AHCYL1: variants seen among roughly 807,000 people sequenced by gnomAD.
AHCYL1 encodes the protein adenosylhomocysteinase like 1, also known as S-adenosylhomocysteine hydrolase-like protein 1.
A neutral mutation model predicts 79.3 loss-of-function variants in AHCYL1; 20 were observed. The observed-to-expected ratio is 0.25, with a 90% CI of 0.18 to 0.37. The LOEUF is 0.37. Among genes scored for constraint, AHCYL1 ranks in the 10% least tolerant of loss-of-function variants. AHCYL1 has a pLI of 1.00. For missense variants in AHCYL1, 330 were observed against 673.6 expected (o/e 0.49, Z 5.65); for synonymous variants, 223 against 242.2 (o/e 0.92, Z 0.74).
intron 1 of AHCYL1, among the ~76,000 whole-genome samples, chr1:109,993,528 C>G (rs1349954906): frequency 6.6e-6 from 1 of 152,220 alleles, no homozygotes; most frequent in East Asian, 1.9e-4. Context: ...GGCTTTGACT[C>G]ACTTTCCCTT....
chr1:109,999,841 C>A (rs886512565), intron 1 of AHCYL1, among the ~76,000 whole-genome samples: 2 of 151,978 alleles, frequency 1.3e-5, no homozygotes, highest in African/African-American at 4.8e-5. Context: ...GCAGCCTCGA[C>A]CTCCCAGGCT....
At chr1:110,011,433 C>G in intron 3 of AHCYL1, 76 bp downstream of exon 3, 1 of 1,572,094 alleles carries the variant, frequency 6.4e-7, no homozygotes, top group Non-Finnish European at 8.6e-7. Flanking sequence ...CAACTTAAGA[C>G]TTGAAAGCTG....
intron 1 of AHCYL1, 52 bp downstream of exon 1, chr1:109,985,224 G>A: frequency 6.4e-7 from 1 of 1,574,396 alleles, no homozygotes; most frequent in Non-Finnish European, 8.6e-7. Context: ...CTCGCGGAAG[G>A]GACGCGAGCA....
chr1:110,020,876 A>C, intron 16 of AHCYL1, 25 bp downstream of exon 16: 1 of 1,605,034 alleles, frequency 6.2e-7, no homozygotes, highest in Non-Finnish European at 8.5e-7. Flanking sequence ...AGCAAGTGAA[A>C]AGCTCTTTTT....
At chr1:110,010,032 T>C (rs2101725576) in intron 2 of AHCYL1, among the ~76,000 whole-genome samples, 1 of 152,288 alleles carries the variant, frequency 6.6e-6, no homozygotes, top group East Asian at 1.9e-4. Context: ...TTAACATAAA[T>C]GAAAAGCTGT....
intron 2 of AHCYL1, among the ~76,000 whole-genome samples, chr1:110,010,078 G>A (rs1050621965): frequency 6.6e-6 from 1 of 152,210 alleles, no homozygotes; most frequent in South Asian, 2.1e-4. Context: ...AAAAAGTGGT[G>A]TGTGACAAGC....
At chr1:110,007,922 A>G (rs1650763509) in intron 1 of AHCYL1, among the ~76,000 whole-genome samples, 1 of 152,202 alleles carries the variant, frequency 6.6e-6, no homozygotes, top group Admixed American at 6.5e-5. Context: ...TCTATAAATA[A>G]TATCAATTGC....
chr1:110,012,553 A>G lies in AHCYL1; in HGVS notation c.477+91A>G, dbSNP rs3737210. ...TCACTTTTCCTTTCCTAACTCGCCAACCTCCAAATGCTAACTATTAATAGG... is the reference window on the plus strand; with the variant it reads ...TCACTTTTCCTTTCCTAACTCGCCAGCCTCCAAATGCTAACTATTAATAGG... On this transcript the variant is annotated intron_variant, in intron 4 of 16. Transcript: ENST00000369799. 1.6e-5 allele frequency: 17 copies of G among 1,051,924 alleles called. No individual in the cohort carries two copies. In the East Asian group the frequency reaches 4.1e-4, roughly 26 times the overall value. The allele number at this position is 1,051,924 out of a possible 1,614,324, so 65.2% of individuals were successfully genotyped here.
At chr1:109,985,359 T>C (rs1479134680) in intron 1 of AHCYL1, 187 bp downstream of exon 1, 2 of 1,322,076 alleles carry the variant, frequency 1.5e-6, no homozygotes, top group East Asian at 3.2e-5. Context: ...GACCTCGCTT[T>C]CCTTTGTCCC....
intron 14 of AHCYL1, 79 bp downstream of exon 14, chr1:110,019,198 G>A: frequency 1.5e-6 from 2 of 1,349,546 alleles, no homozygotes; most frequent in Non-Finnish European, 2.1e-6. Flanking sequence ...AGGGTGTACT[G>A]TACTATGTTC....
chr1:110,018,991 C>T lies in AHCYL1; in HGVS notation c.1318-60C>T, dbSNP rs1651615063. 3.9e-6 allele frequency: 6 copies of T among 1,538,742 alleles called. 1 individual carries two copies. The South Asian group carries it at 6.7e-5, about 17-fold the overall frequency. ...AAAGTCCTCTCCCGCTTTGGCTTGA[C>T]TTGTATGCCATTGGAATCTGAGACA... On this transcript the variant is annotated intron_variant, in intron 13 of 16. Coordinates refer to ENST00000369799, the MANE Select transcript of AHCYL1 (RefSeq NM_006621.7).
intron 1 of AHCYL1, among the ~76,000 whole-genome samples, chr1:110,008,508 G>T (rs559375495): frequency 9.2e-5 from 14 of 152,214 alleles, no homozygotes; most frequent in African/African-American, 3.4e-4. Context: ...TAGACATATG[G>T]TTGGGCTCTG....
intron 6 of AHCYL1, 51 bp from the exon 7 acceptor site, chr1:110,015,374 C>T: frequency 2.0e-6 from 3 of 1,487,846 alleles, no homozygotes; most frequent in South Asian, 2.3e-5. Context: ...CAAAGTTCCC[C>T]CCAGCCCTAG....
At position 110,022,532 on chromosome 1, in the gene AHCYL1, C is replaced by T. The variant is rs1436969228; in HGVS notation, c.*852C>T. The T allele has an allele frequency of 6.6e-6, 1 of 152,616 alleles. No homozygotes were observed. Among genetic ancestry groups the T allele is most frequent in the African/African-American group, 2.4e-5 (1 of 41,438 alleles). 9.5% of individuals were successfully genotyped at this position (152,616 alleles called of 1,614,324 possible). On this transcript the variant is annotated 3_prime_UTR_variant, in exon 17 of 17. Transcript: ENST00000369799. ...GCTAGTCTCAAGCCCTGTTAAGTCC[C>T]TCTGTTTCTAGCCCGTAGTTCATAG...
At chr1:110,018,730 T>C in intron 13 of AHCYL1, 80 bp downstream of exon 13, 3 of 1,251,648 alleles carry the variant, frequency 2.4e-6, no homozygotes, top group Non-Finnish European at 3.4e-6. Flanking sequence ...GGGAAACAAA[T>C]ATTAGGCCTA....
At chr1:110,012,066 C>G (rs992107548) in intron 3 of AHCYL1, among the ~76,000 whole-genome samples, 2 of 152,214 alleles carry the variant, frequency 1.3e-5, no homozygotes, top group Admixed American at 1.3e-4. Context: ...TTCCTCTCTT[C>G]CCAAATGAAT....
Position 110,001,190 on chromosome 1 carries a change from A to AT in AHCYL1, c.121-7830dup, listed in dbSNP as rs1158727985. Reference sequence around the variant, plus strand: ...GCCAATATTTTGCTATACAAAATTAATTTTTTTTTTTTTTGAGACGGAGTC... The same window carrying AT: ...GCCAATATTTTGCTATACAAAATTAATTTTTTTTTTTTTTTGAGACGGAGTC... On this transcript the variant is annotated intron_variant, in intron 1 of 16. Transcript: ENST00000369799. Among the ~76,000 whole-genome samples the AT allele has an allele frequency of 1.9e-3, 284 of 146,972 alleles. 1 individual carries two copies. Among genetic ancestry groups the AT allele is most frequent in the East Asian group, 2.6e-3 (13 of 5,078 alleles).
At chr1:110,004,230 A>T (rs1419589893) in intron 1 of AHCYL1, 8 of 985,396 alleles carry the variant, frequency 8.1e-6, no homozygotes, top group Non-Finnish European at 9.6e-6. Context: ...ATGTGCTGAG[A>T]TTAGTCAGCC....
intron 1 of AHCYL1, among the ~76,000 whole-genome samples, chr1:109,992,085 G>C (rs919596361): frequency 6.6e-6 from 1 of 151,822 alleles, no homozygotes; most frequent in Non-Finnish European, 1.5e-5. Context: ...TGGGGGCGGG[G>C]GGAAGAAAAG....
Sources: gnomAD v4.1 joint callset for allele counts (sites outside exome capture counted in the v4.1 genomes callset) on GRCh38, gnomAD v4.1.1 for gene constraint, MANE v1.5 for transcripts, NCBI Gene and HGNC (gene_info 2026-07-23, HGNC 2026-07-21) for gene names.